Variants in PDE11A observed in about 807,000 individuals in gnomAD.
PDE11A encodes dual 3',5'-cyclic-AMP and -GMP phosphodiesterase 11A.
PDE11A carries 100 observed loss-of-function variants against 100.5 expected under a neutral mutation model. That is an observed-to-expected ratio of 1.00 (90% CI 0.85 to 1.18). PDE11A has a LOEUF of 1.18. PDE11A is among the 50% of genes most tolerant of loss of function. The probability of loss-of-function intolerance (pLI) is 0.00; values close to 1 mark genes in which losing one functional copy is unlikely to be tolerated. For synonymous variants in PDE11A, 381 were observed against 420.8 expected, an observed-to-expected ratio of 0.91 and a Z score of 1.16; for missense variants, 1,141 against 1,152.6, an observed-to-expected ratio of 0.99 and a Z score of 0.15.
intron 1 of PDE11A, among the ~76,000 whole-genome samples, chr2:178,023,388 A>G (rs577569770): frequency 6.6e-6 from 1 of 152,352 alleles, no homozygotes; most frequent in East Asian, 1.9e-4. Flanking sequence ...CTACTTTCTC[A>G]GAGAAATCAC....
chr2:177,703,792 G>A lies in PDE11A; in HGVS notation c.2154-2581C>T, dbSNP rs185830906. Reference sequence around the variant, plus strand: ...CCTTTAAGGGAGTGGGGATGGGGACGATAACAACAGCTTTTAACAAATACA... The same window carrying A: ...CCTTTAAGGGAGTGGGGATGGGGACAATAACAACAGCTTTTAACAAATACA... On this transcript the variant is annotated intron_variant, in intron 13 of 19. Coordinates refer to ENST00000286063, the MANE Select transcript of PDE11A (RefSeq NM_016953.4). Among the ~76,000 whole-genome samples the A allele has an allele frequency of 7.5e-3, 1,135 of 151,324 alleles. 6 individuals are homozygous for A. Among genetic ancestry groups the A allele is most frequent in the South Asian group, 0.017 (82 of 4,824 alleles).
chr2:177,928,854 C>A lies in PDE11A; in HGVS notation c.1072-23667G>T, dbSNP rs189052784. Among the ~76,000 whole-genome samples the A allele has an allele frequency of 2.2e-3, 326 of 151,218 alleles. 1 individual carries two copies. Among genetic ancestry groups the A allele is most frequent in the Non-Finnish European group, 3.7e-3 (250 of 67,676 alleles). On this transcript the variant is annotated intron_variant, in intron 2 of 19. Coordinates refer to ENST00000286063, the MANE Select transcript of PDE11A (RefSeq NM_016953.4). The stretch of plus-strand genomic sequence containing the variant: ...CTGTAGCCTGGGTTACAGAGAAAGA[C>A]CCTGTCTCAAAAAAAAATAAATACA...
intron 9 of PDE11A, among the ~76,000 whole-genome samples, chr2:177,773,433 G>A (rs2082339393): frequency 6.6e-6 from 1 of 152,112 alleles, no homozygotes; most frequent in South Asian, 2.1e-4. Flanking sequence ...TTAAATGTAT[G>A]TACAGTTAAA....
In PDE11A at chr2:177,848,419, A is replaced by C. The variant is rs1011225359; in HGVS notation, c.1368-8036T>G. Among the ~76,000 whole-genome samples, 14 of 152,232 alleles carry C rather than the reference A, an allele frequency of 9.2e-5. 1 individual carries two copies. Among genetic ancestry groups the C allele is most frequent in the African/African-American group, 3.1e-4 (13 of 41,456 alleles). On this transcript the variant is annotated intron_variant, in intron 5 of 19. Transcript: ENST00000286063. ...ACTCTCTACAAAGTAGACCTCCCTA[A>C]GCTCGATTCACTTCAGCATAACACT... is the stretch of plus-strand genomic sequence containing the variant.
At chr2:177,878,825 C>T (rs1353584013) in intron 4 of PDE11A, among the ~76,000 whole-genome samples, 2 of 152,102 alleles carry the variant, frequency 1.3e-5, no homozygotes, top group African/African-American at 4.8e-5. Context: ...GACATGACTC[C>T]TTCAAAACCA....
chr2:177,900,544 C>A (rs572674770), intron 3 of PDE11A, among the ~76,000 whole-genome samples: 1 of 152,106 alleles, frequency 6.6e-6, no homozygotes, highest in Admixed American at 6.5e-5. Flanking sequence ...TCACATGAGG[C>A]CATGAGTTCT....
chr2:178,025,090 T>G (rs2086462659), intron 1 of PDE11A, among the ~76,000 whole-genome samples: 1 of 152,234 alleles, frequency 6.6e-6, no homozygotes, highest in African/African-American at 2.4e-5. Flanking sequence ...TCATTGTTGT[T>G]CTTAATATGT....
chr2:177,692,303 A>G (rs1241432445), intron 15 of PDE11A, among the ~76,000 whole-genome samples: 1 of 152,160 alleles, frequency 6.6e-6, no homozygotes, highest in Admixed American at 6.5e-5. Context: ...AAGTTATAAC[A>G]TTTGTAATTT....
intron 1 of PDE11A, among the ~76,000 whole-genome samples, chr2:178,066,417 GTAA>G (rs1386428058): frequency 1.0e-3 from 156 of 152,264 alleles, no homozygotes; most frequent in African/African-American, 3.8e-3. Flanking sequence ...TTTGTGCTTT[GTAA>G]GCATAGTCCA....
chr2:178,082,302 A>G (rs1171835647), intron 2 of PDE11A, among the ~76,000 whole-genome samples: 3 of 152,222 alleles, frequency 2.0e-5, no homozygotes, highest in Non-Finnish European at 4.4e-5. Context: ...TAGCCATTCT[A>G]TTATTATTGT....
chr2:177,905,006 A>T, intron 3 of PDE11A, 92 bp downstream of exon 3: 2 of 780,618 alleles, frequency 2.6e-6, no homozygotes, highest in Non-Finnish European at 4.7e-6. Flanking sequence ...CTATTCAAAG[A>T]TCATTCATTG....
At chr2:178,087,907 G>GT (rs1408818391) in intron 2 of PDE11A, among the ~76,000 whole-genome samples, 3 of 150,004 alleles carry the variant, frequency 2.0e-5, no homozygotes, top group Admixed American at 6.6e-5. Context: ...TTTTTTTTTT[G>GT]TTTTTTTCTT....
intron 17 of PDE11A, among the ~76,000 whole-genome samples, chr2:177,671,438 A>G (rs1431644277): frequency 6.6e-6 from 1 of 152,156 alleles, no homozygotes. Flanking sequence ...TTGTTGCAGG[A>G]AGGGAAAGTG....
chr2:178,061,999 C>T (rs1303223022), intron 1 of PDE11A, among the ~76,000 whole-genome samples: 1 of 152,098 alleles, frequency 6.6e-6, no homozygotes, highest in Non-Finnish European at 1.5e-5. Context: ...TATTTTCCTG[C>T]CCTTTATATT....
chr2:178,032,974 A>T (rs1403351925), intron 1 of PDE11A, among the ~76,000 whole-genome samples: 1 of 152,166 alleles, frequency 6.6e-6, no homozygotes, highest in Non-Finnish European at 1.5e-5. Flanking sequence ...AATTCAAAAA[A>T]CCAGAATGCC....
chr2:177,901,255 C>A (rs187630551), intron 3 of PDE11A, among the ~76,000 whole-genome samples: 245 of 152,168 alleles, frequency 1.6e-3, no homozygotes, highest in Non-Finnish European at 3.0e-3. Flanking sequence ...TGACCCCCCC[C>A]ATCCATGAGC....
intron 2 of PDE11A, among the ~76,000 whole-genome samples, chr2:177,932,751 GAATAAGACAAGGATCCCCACTCT>G (rs1217932114): frequency 4.0e-5 from 6 of 150,856 alleles, no homozygotes; most frequent in African/African-American, 1.5e-4. Flanking sequence ...TTGAGAACTA[GAATAAGACAAGGATCCCCACTCT>G]CACCACTCCT....
intron 2 of PDE11A, among the ~76,000 whole-genome samples, chr2:177,930,831 C>T (rs2085195588): frequency 6.6e-6 from 1 of 152,174 alleles, no homozygotes; most frequent in African/African-American, 2.4e-5. Context: ...AAAGAGGATC[C>T]ATGAACCAAC....
chr2:177,874,619 T>G (rs1220972674), intron 5 of PDE11A, among the ~76,000 whole-genome samples: 1 of 152,166 alleles, frequency 6.6e-6, no homozygotes, highest in Non-Finnish European at 1.5e-5. Context: ...GAACAAGAAG[T>G]GAATTACTGG....
Sources: allele counts gnomAD v4.1 joint callset (sites outside exome capture counted in the v4.1 genomes callset), GRCh38; gene constraint gnomAD v4.1.1; transcripts MANE v1.5; gene names NCBI Gene and HGNC (gene_info 2026-07-23, HGNC 2026-07-21).